The following BORCS5 variants were observed in gnomAD, a reference collection of about 807,000 sequenced individuals.
BORCS5 encodes BLOC-1-related complex subunit 5.
A neutral mutation model predicts 22.1 loss-of-function variants in BORCS5; 17 were observed. The ratio of observed to expected loss-of-function variants is 0.77; its 90% CI spans 0.53 to 1.15. The LOEUF is 1.15. Ranked by LOEUF, BORCS5 falls within the 50% of genes most tolerant of loss-of-function variation. BORCS5 has a pLI of 0.00. For missense variants in BORCS5, 247 were observed against 253.2 expected, an observed-to-expected ratio of 0.98 and a Z score of 0.17; for synonymous variants, 117 against 99.8, an observed-to-expected ratio of 1.17 and a Z score of -1.03.
chr12:12,415,164 T>C (rs1281753111), intron 2 of BORCS5, among the ~76,000 whole-genome samples: 18 of 151,794 alleles, frequency 1.2e-4, no homozygotes, highest in African/African-American at 3.9e-4. Context: ...GGGCAGAGGC[T>C]GCAATCTCGG....
At chr12:12,435,123 C>T (rs1259284511) in intron 2 of BORCS5, among the ~76,000 whole-genome samples, 1 of 152,162 alleles carries the variant, frequency 6.6e-6, no homozygotes, top group African/African-American at 2.4e-5. Context: ...TGTTAAATGT[C>T]TCCATTTTAG....
intron 2 of BORCS5, among the ~76,000 whole-genome samples, chr12:12,406,645 C>CA (rs35161065): frequency 3.9e-4 from 59 of 150,202 alleles, no homozygotes; most frequent in East Asian, 2.8e-3. Flanking sequence ...AACAAACAAA[C>CA]AAAAAAAAAA....
intron 2 of BORCS5, among the ~76,000 whole-genome samples, chr12:12,409,715 C>G (rs1383202343): frequency 6.6e-6 from 1 of 152,108 alleles, no homozygotes; most frequent in Non-Finnish European, 1.5e-5. Context: ...TTTATAGCAG[C>G]ATGATTTATA....
At chr12:12,393,590 G>T (rs1941254984) in intron 2 of BORCS5, among the ~76,000 whole-genome samples, 1 of 150,972 alleles carries the variant, frequency 6.6e-6, no homozygotes, top group Non-Finnish European at 1.5e-5. Flanking sequence ...CATGATCTTG[G>T]CTCACTGCAA....
At chr12:12,403,833 G>T (rs559684834) in intron 2 of BORCS5, among the ~76,000 whole-genome samples, 3 of 152,246 alleles carry the variant, frequency 2.0e-5, no homozygotes, top group Middle Eastern at 3.4e-3. Flanking sequence ...TAGATTATAT[G>T]ATTTAATTAC....
intron 2 of BORCS5, among the ~76,000 whole-genome samples, chr12:12,410,685 G>A (rs1941710021): frequency 6.6e-6 from 1 of 152,020 alleles, no homozygotes; most frequent in South Asian, 2.1e-4. Flanking sequence ...TGTTCTTTTG[G>A]CTTAGGATTG....
intron 1 of BORCS5, among the ~76,000 whole-genome samples, chr12:12,360,559 TAAAAG>T (rs1863257687): frequency 1.4e-5 from 2 of 143,074 alleles, no homozygotes; most frequent in African/African-American, 5.2e-5. Flanking sequence ...TCTGACTAAT[TAAAAG>T]AAATTTTTTT....
chr12:12,377,407 GAC>G (rs1330210421), intron 2 of BORCS5, among the ~76,000 whole-genome samples: 1 of 152,010 alleles, frequency 6.6e-6, no homozygotes, highest in Non-Finnish European at 1.5e-5. Context: ...TCAAACTCCT[GAC>G]CTCAGGTGGT....
At chr12:12,432,959 G>T (rs902108134) in intron 2 of BORCS5, among the ~76,000 whole-genome samples, 1 of 152,180 alleles carries the variant, frequency 6.6e-6, no homozygotes, top group Non-Finnish European at 1.5e-5. Flanking sequence ...GAACTTTTCA[G>T]CATCTGACCA....
intron 2 of BORCS5, among the ~76,000 whole-genome samples, chr12:12,415,423 G>A (rs1225020490): frequency 5.3e-5 from 8 of 151,124 alleles, no homozygotes; most frequent in East Asian, 2.0e-4. Context: ...GGCGGCGTGC[G>A]CCTGCAATCG....
intron 2 of BORCS5, among the ~76,000 whole-genome samples, chr12:12,430,335 T>A (rs887804429): frequency 1.3e-5 from 2 of 151,982 alleles, no homozygotes; most frequent in Non-Finnish European, 2.9e-5. Context: ...ATATTTTTAG[T>A]AGAGACGGGG....
At chr12:12,460,776 A>G (rs1943088845) in intron 3 of BORCS5, among the ~76,000 whole-genome samples, 1 of 152,196 alleles carries the variant, frequency 6.6e-6, no homozygotes, top group Non-Finnish European at 1.5e-5. Flanking sequence ...TGAAATGGCA[A>G]GTTACTTTGA....
At chr12:12,423,811 C>G (rs1402455647) in intron 2 of BORCS5, among the ~76,000 whole-genome samples, 1 of 152,066 alleles carries the variant, frequency 6.6e-6, no homozygotes, top group African/African-American at 2.4e-5. Context: ...GCCTTAGCCT[C>G]CCAAGTAGCT....
At chr12:12,379,580 G>T (rs553922234) in intron 2 of BORCS5, among the ~76,000 whole-genome samples, 2 of 151,498 alleles carry the variant, frequency 1.3e-5, no homozygotes, top group Non-Finnish European at 3.0e-5. Context: ...TCTCCTACCC[G>T]ACAGAGCTTT....
rs71061068 is a variant in BORCS5 at position 12,430,151 on chromosome 12, A to ATTTTTTTTTTTTTTTTT, written c.203-5476_203-5460dup. On this transcript the variant is annotated intron_variant, in intron 2 of 3. Coordinates refer to ENST00000314565, the MANE Select transcript of BORCS5 (RefSeq NM_058169.6). ...TACCACTTTAATCACCTTAGAGAAA[A>ATTTTTTTTTTTTTTTTT]TTTTTTTTTTTTTTTTTGAGACAGA... is the stretch of plus-strand genomic sequence containing the variant. Among the ~76,000 whole-genome samples, 20 of 107,746 alleles carry ATTTTTTTTTTTTTTTTT rather than the reference A, an allele frequency of 1.9e-4. 1 individual carries two copies. Among genetic ancestry groups the ATTTTTTTTTTTTTTTTT allele is most frequent in the African/African-American group, 5.7e-4 (14 of 24,570 alleles). The allele number at this position is 107,746 out of a possible 152,430, so 70.7% of individuals were successfully genotyped here.
Position 12,357,197 on chromosome 12 carries a change from G to T in BORCS5, c.-255G>T. ...TCTGCCGGTTCTCTTAGGGCTCCCG[G>T]AAAGAAGGAGGGCTAGCCGCGTGCG... On this transcript the variant is annotated 5_prime_UTR_variant, in exon 1 of 4. Coordinates refer to ENST00000314565, the MANE Select transcript of BORCS5 (RefSeq NM_058169.6). The T allele has an allele frequency of 6.6e-7, 1 of 1,513,212 alleles. No homozygotes were observed. The highest frequency in any genetic ancestry group is 1.2e-5 in the South Asian group (1 of 82,052). 93.7% of individuals were successfully genotyped at this position (1,513,212 alleles called of 1,614,324 possible).
At chr12:12,456,174 C>T (rs1476170226) in intron 3 of BORCS5, among the ~76,000 whole-genome samples, 2 of 152,168 alleles carry the variant, frequency 1.3e-5, no homozygotes, top group African/African-American at 4.8e-5. Flanking sequence ...TAGATCATGC[C>T]TGTAATCCCA....
chr12:12,357,569 G>A (rs1158649385), intron 1 of BORCS5, 60 bp downstream of exon 1: 3 of 1,555,510 alleles, frequency 1.9e-6, no homozygotes, highest in Non-Finnish European at 1.8e-6. Flanking sequence ...AGAGCGGGCT[G>A]CCTCCCAGAC....
chr12:12,390,097 C>A (rs921371521), intron 2 of BORCS5, among the ~76,000 whole-genome samples: 4 of 152,122 alleles, frequency 2.6e-5, no homozygotes, highest in Non-Finnish European at 5.9e-5. Context: ...CTGCTAAAAT[C>A]TTTTCATTCC....
Sources: allele counts gnomAD v4.1 joint callset (sites outside exome capture counted in the v4.1 genomes callset), GRCh38; gene constraint gnomAD v4.1.1; transcripts MANE v1.5; gene names NCBI Gene and HGNC (gene_info 2026-07-23, HGNC 2026-07-21).